Variants in GPHN observed in about 807,000 individuals in gnomAD.
The protein encoded by GPHN is gephyrin.
Under a neutral mutation model 95.5 loss-of-function variants are expected in GPHN, and 17 were observed. The observed-to-expected ratio is 0.18, with a 90% CI of 0.12 to 0.27. The LOEUF (loss-of-function observed/expected upper bound fraction) is 0.27, where lower values mean the gene tolerates loss of function less well. Among genes scored for constraint, GPHN ranks in the 10% least tolerant of loss-of-function variants. GPHN has a pLI of 1.00. For missense variants in GPHN, 660 were observed against 978.1 expected (o/e 0.67, Z 4.34); for synonymous variants, 320 against 322.5 (o/e 0.99, Z 0.08).
chr14:67,622,476 G>T, the GPHN span, among the ~76,000 whole-genome samples: 1 of 152,162 alleles, frequency 6.6e-6, no homozygotes, highest in African/African-American at 2.4e-5. Flanking sequence ...AATAATTGCA[G>T]TTTCTTCTTT....
At chr14:67,690,735 G>C in the GPHN span, 323 of 399,394 alleles carry the variant, frequency 8.1e-4, 2 homozygotes, top group African/African-American at 6.2e-3. Context: ...GGTAATCTCA[G>C]CACTTAAAGA....
intron 1 of GPHN, among the ~76,000 whole-genome samples, chr14:66,522,783 CTCT>C (rs1384325280): frequency 7.0e-6 from 1 of 143,504 alleles, no homozygotes; most frequent in Admixed American, 6.9e-5. Flanking sequence ...TAATCACCAC[CTCT>C]TTTTTTGTTT....
intron 2 of GPHN, among the ~76,000 whole-genome samples, chr14:66,734,802 AAGTG>A (rs2072111497): frequency 6.6e-6 from 1 of 152,210 alleles, no homozygotes; most frequent in African/African-American, 2.4e-5. Context: ...TTCACTCAGT[AAGTG>A]AGTATTTTAT....
the GPHN span, among the ~76,000 whole-genome samples, chr14:67,731,978 T>C: frequency 6.6e-6 from 1 of 151,442 alleles, no homozygotes; most frequent in African/African-American, 2.4e-5. Flanking sequence ...ATACAAAAAA[T>C]TAGCTGATCA....
the GPHN span, chr14:67,470,811 T>A: frequency 1.2e-4 from 19 of 152,814 alleles, no homozygotes; most frequent in African/African-American, 4.6e-4. Flanking sequence ...AACTCAGAGA[T>A]GCTGCCATGT....
intron 13 of GPHN, among the ~76,000 whole-genome samples, chr14:67,108,582 T>G (rs772237762): frequency 6.6e-6 from 1 of 152,178 alleles, no homozygotes; most frequent in African/African-American, 2.4e-5. Context: ...ATATTAGTTA[T>G]TGGTAGTATT....
the GPHN span, among the ~76,000 whole-genome samples, chr14:67,214,647 G>A: frequency 0.16 from 23,506 of 151,584 alleles, 3,439 homozygotes; most frequent in East Asian, 0.42. Flanking sequence ...TTGGCGATGC[G>A]GGCTCTTTTT....
At chr14:66,656,310 TGAGTA>T (rs2065302201) in intron 1 of GPHN, among the ~76,000 whole-genome samples, 1 of 122 alleles carries the variant, frequency 8.2e-3, no homozygotes, top group African/African-American at 0.045. Flanking sequence ...TCACATTGGG[TGAGTA>T]TTTGGTAGCC....
At chr14:67,134,592 G>A (rs2079925521) in intron 17 of GPHN, among the ~76,000 whole-genome samples, 3 of 152,204 alleles carry the variant, frequency 2.0e-5, no homozygotes, top group Admixed American at 2.0e-4. Context: ...CCTACAATGT[G>A]CAGGAATTTG....
At chr14:67,276,994 T>C in the GPHN span, among the ~76,000 whole-genome samples, 2 of 152,194 alleles carry the variant, frequency 1.3e-5, no homozygotes, top group Non-Finnish European at 2.9e-5. Context: ...GTAATTGTTA[T>C]AGAGAGGGTT....
chr14:67,433,917 T>C, the GPHN span, among the ~76,000 whole-genome samples: 5 of 152,188 alleles, frequency 3.3e-5, no homozygotes, highest in Non-Finnish European at 7.4e-5. Context: ...AGAAAACATT[T>C]TGACTATTGA....
At chr14:66,917,006 A>G (rs1417372937) in intron 6 of GPHN, among the ~76,000 whole-genome samples, 1 of 152,218 alleles carries the variant, frequency 6.6e-6, no homozygotes, top group Non-Finnish European at 1.5e-5. Flanking sequence ...TAGCTAATCC[A>G]TCCACTAAAG....
the GPHN span, among the ~76,000 whole-genome samples, chr14:67,495,441 CATA>C: frequency 1.3e-5 from 2 of 151,910 alleles, no homozygotes; most frequent in African/African-American, 4.8e-5. Context: ...GTCCACAGCC[CATA>C]ATAATGAGTC....
the GPHN span, among the ~76,000 whole-genome samples, chr14:67,595,814 G>A: frequency 2.0e-5 from 3 of 152,298 alleles, no homozygotes; most frequent in East Asian, 5.8e-4. Flanking sequence ...GACAAGTAGG[G>A]CACACTAAGG....
At chr14:67,399,969 C>T in the GPHN span, among the ~76,000 whole-genome samples, 1 of 152,176 alleles carries the variant, frequency 6.6e-6, no homozygotes, top group Non-Finnish European at 1.5e-5. Flanking sequence ...AGGTGCTTTA[C>T]CTGAATCAAA....
intron 8 of GPHN, among the ~76,000 whole-genome samples, chr14:66,931,244 T>C (rs936791236): frequency 1.3e-5 from 2 of 152,192 alleles, no homozygotes; most frequent in African/African-American, 2.4e-5. Flanking sequence ...TTATATGTTA[T>C]CTGTTATTTT....
intron 3 of GPHN, among the ~76,000 whole-genome samples, chr14:66,796,310 A>G (rs540923540): frequency 1.3e-4 from 20 of 152,026 alleles, no homozygotes; most frequent in Middle Eastern, 6.8e-3. Flanking sequence ...TCTATTCAAT[A>G]TATTGTTTCC....
At chr14:67,384,830 G>T in the GPHN span, 1 of 152,200 alleles carries the variant, frequency 6.6e-6, no homozygotes, top group Non-Finnish European at 1.5e-5. Context: ...GGAATATGTA[G>T]AGGAGAACCT....
the GPHN span, among the ~76,000 whole-genome samples, chr14:67,557,985 C>T: frequency 2.0e-5 from 3 of 152,216 alleles, no homozygotes; most frequent in Non-Finnish European, 2.9e-5. Context: ...GAGGCAGAGA[C>T]CAAAGTTGTT....
Sources: gnomAD v4.1 joint callset for allele counts (sites outside exome capture counted in the v4.1 genomes callset) on GRCh38, gnomAD v4.1.1 for gene constraint, MANE v1.5 for transcripts, NCBI Gene and HGNC (gene_info 2026-07-23, HGNC 2026-07-21) for gene names.